Variants in SIL1 observed in about 807,000 individuals in gnomAD.
The protein encoded by SIL1 is SIL1 nucleotide exchange factor.
Under a neutral mutation model 49.1 loss-of-function variants are expected in SIL1, and 40 were observed. The ratio of observed to expected loss-of-function variants is 0.81; its 90% CI spans 0.63 to 1.06. The LOEUF (loss-of-function observed/expected upper bound fraction) is 1.06, where lower values mean the gene tolerates loss of function less well. SIL1 is among the 50% of genes least tolerant of loss of function. The pLI is 0.00. For missense variants in SIL1, 500 were observed against 572.6 expected (o/e 0.87, Z 1.29); for synonymous variants, 253 against 250.8 (o/e 1.01, Z -0.08).
intron 4 of SIL1, among the ~76,000 whole-genome samples, chr5:139,045,073 T>A (rs1769123486): frequency 6.6e-6 from 1 of 152,124 alleles, no homozygotes; most frequent in South Asian, 2.1e-4. Flanking sequence ...TGAAAAACTC[T>A]CAGTCGGGTG....
intron 3 of SIL1, among the ~76,000 whole-genome samples, chr5:139,094,859 T>C (rs1242857281): frequency 1.3e-5 from 2 of 152,252 alleles, no homozygotes; most frequent in Admixed American, 6.5e-5. Flanking sequence ...CTCTGGTCTA[T>C]GCCAGTTTCT....
At chr5:139,190,251 C>G (rs1188623919) in intron 1 of SIL1, among the ~76,000 whole-genome samples, 2 of 152,216 alleles carry the variant, frequency 1.3e-5, no homozygotes, top group Admixed American at 6.5e-5. Flanking sequence ...ACTGTTACAT[C>G]TGGCCTCATT....
intron 1 of SIL1, among the ~76,000 whole-genome samples, chr5:139,167,218 C>A (rs1751642109): frequency 6.6e-6 from 1 of 152,122 alleles, no homozygotes; most frequent in African/African-American, 2.4e-5. Flanking sequence ...CCTCAGCCTC[C>A]CAAAGTGCTG....
chr5:139,176,174 A>G (rs1751879403), intron 1 of SIL1, among the ~76,000 whole-genome samples: 1 of 152,118 alleles, frequency 6.6e-6, no homozygotes, highest in Admixed American at 6.5e-5. Flanking sequence ...TTGCCACTTC[A>G]TAAGAAGGTG....
intron 9 of SIL1, among the ~76,000 whole-genome samples, chr5:138,950,749 G>T (rs1256528103): frequency 1.3e-5 from 2 of 152,212 alleles, no homozygotes; most frequent in Non-Finnish European, 2.9e-5. Flanking sequence ...CTGAGGCCCT[G>T]CCCAGAGCCA....
chr5:139,176,691 C>T (rs1403173902), intron 1 of SIL1, among the ~76,000 whole-genome samples: 2 of 152,030 alleles, frequency 1.3e-5, no homozygotes, highest in African/African-American at 2.4e-5. Context: ...GGAAGCTCCT[C>T]GGGCCTCTTT....
chr5:139,078,168 G>A (rs1004907520), intron 3 of SIL1, among the ~76,000 whole-genome samples: 1 of 152,148 alleles, frequency 6.6e-6, no homozygotes, highest in African/African-American at 2.4e-5. Context: ...AAAGGGCTAA[G>A]CCTGGTGGCT....
chr5:138,984,332 G>GTTT (rs57850973), intron 7 of SIL1, among the ~76,000 whole-genome samples: 1 of 141,568 alleles, frequency 7.1e-6, no homozygotes, highest in Non-Finnish European at 1.5e-5. Flanking sequence ...CTCTTACGGT[G>GTTT]TTTTTTTTTT....
chr5:139,070,668 T>C (rs578213949), intron 3 of SIL1, among the ~76,000 whole-genome samples: 6 of 152,120 alleles, frequency 3.9e-5, no homozygotes, highest in African/African-American at 1.4e-4. Flanking sequence ...TCAAACAATT[T>C]CAACTTCAAT....
chr5:139,198,070 T>G lies in SIL1; in HGVS notation c.-11+199A>C, dbSNP rs564487652. On this transcript the variant is annotated intron_variant, in intron 1 of 9. Coordinates refer to ENST00000394817, the MANE Select transcript of SIL1 (RefSeq NM_022464.5). ...AAGAGGTGAATGGAGACATTCTGAG[T>G]GGGAAAGATAAGAAAGGTAGGCCTT... Among the ~76,000 whole-genome samples the G allele has an allele frequency of 1.1e-4, 16 of 151,816 alleles. No homozygotes were observed. In the East Asian group the frequency reaches 2.9e-3, roughly 28 times the overall value.
chr5:139,116,491 A>T (rs7720396), intron 3 of SIL1, among the ~76,000 whole-genome samples: 4,157 of 152,314 alleles, frequency 0.027, 179 homozygotes, highest in African/African-American at 0.094. Context: ...CCCTGAGCCC[A>T]CATGGGGCCA....
At chr5:139,029,322 T>TA (rs1768734064) in intron 5 of SIL1, among the ~76,000 whole-genome samples, 1 of 152,116 alleles carries the variant, frequency 6.6e-6, no homozygotes, top group African/African-American at 2.4e-5. Flanking sequence ...AAGGCAAACT[T>TA]ACAGACACAA....
At chr5:139,121,228 GA>G (rs1032769425) in intron 2 of SIL1, 55 bp from the exon 3 acceptor site, 4 of 1,610,258 alleles carry the variant, frequency 2.5e-6, no homozygotes, top group Middle Eastern at 1.7e-4. Context: ...CAGGTAAGCA[GA>G]AAAAAAATGG....
At chr5:139,184,866 C>T (rs1451425663) in intron 1 of SIL1, among the ~76,000 whole-genome samples, 3 of 152,122 alleles carry the variant, frequency 2.0e-5, no homozygotes, top group Non-Finnish European at 2.9e-5. Flanking sequence ...AGGCAGTCTA[C>T]AGCGACTGGG....
chr5:139,063,789 G>A (rs1160512639), intron 3 of SIL1, among the ~76,000 whole-genome samples: 6 of 152,122 alleles, frequency 3.9e-5, no homozygotes, highest in African/African-American at 1.4e-4. Flanking sequence ...TTCATTAGCA[G>A]CTCATTAGCA....
chr5:139,136,026 C>T (rs1470435431), intron 1 of SIL1, among the ~76,000 whole-genome samples: 5 of 152,074 alleles, frequency 3.3e-5, no homozygotes, highest in Admixed American at 3.3e-4. Context: ...GAGATCATGC[C>T]TCTGCACTCT....
At chr5:139,059,218 T>C (rs1769528544) in intron 3 of SIL1, among the ~76,000 whole-genome samples, 1 of 152,092 alleles carries the variant, frequency 6.6e-6, no homozygotes, top group Admixed American at 6.5e-5. Flanking sequence ...AATTAAATCA[T>C]GGGGGTGGGT....
intron 7 of SIL1, among the ~76,000 whole-genome samples, chr5:138,982,544 A>C (rs1767551213): frequency 6.6e-6 from 1 of 152,212 alleles, no homozygotes; most frequent in Non-Finnish European, 1.5e-5. Context: ...CAATCAGAGC[A>C]TTTTATAGAG....
chr5:138,951,320 A>C lies in SIL1; in HGVS notation c.880T>G (p.Cys294Gly). The C allele has an allele frequency of 6.4e-7, 1 of 1,554,896 alleles. No homozygotes were observed. Among genetic ancestry groups the C allele is most frequent in the Non-Finnish European group, 8.7e-7 (1 of 1,148,700 alleles). ...TAGGGGAAGTGGCGCAGCAGGGAGCACAGTGCAAACAGGACCTGGGGGCAC... is the reference window on the plus strand; with the variant it reads ...TAGGGGAAGTGGCGCAGCAGGGAGCCCAGTGCAAACAGGACCTGGGGGCAC... Reference protein sequence around the residue: ...TAKKKVLFALCSLLRHFPYAQ... With the variant: ...TAKKKVLFALGSLLRHFPYAQ... The change falls in exon 9 of 10, where the codon TGC (cysteine) becomes GGC (glycine). Residue 294 changes from cysteine (C) to glycine (G), a missense_variant. Cys to Gly is a radical substitution (Grantham distance 159). Transcript: ENST00000394817.
Sources: gnomAD v4.1 joint callset for allele counts (sites outside exome capture counted in the v4.1 genomes callset) on GRCh38, gnomAD v4.1.1 for gene constraint, MANE v1.5 for transcripts, NCBI Gene and HGNC (gene_info 2026-07-23, HGNC 2026-07-21) for gene names.